The following GET4 variants were observed in gnomAD, a reference collection of about 807,000 sequenced individuals.
GET4 encodes the protein guided entry of tail-anchored proteins factor 4, also known as Golgi to ER traffic protein 4 homolog.
Under a neutral mutation model 40.0 loss-of-function variants are expected in GET4, and 20 were observed. That is an observed-to-expected ratio of 0.50 (90% CI 0.35 to 0.73). GET4 has a LOEUF of 0.73. Among genes scored for constraint, GET4 ranks in the 30% least tolerant of loss-of-function variants. The pLI, the probability that GET4 is intolerant of heterozygous loss-of-function variation, is 0.01. For synonymous variants in GET4, 280 were observed against 194.6 expected (o/e 1.44, Z -3.65); for missense variants, 557 against 454.0 (o/e 1.23, Z -2.06).
At chr7:878,568 A>G (rs1413731918) in intron 1 of GET4, among the ~76,000 whole-genome samples, 4 of 149,380 alleles carry the variant, frequency 2.7e-5, no homozygotes, top group African/African-American at 9.9e-5. Flanking sequence ...TTTTCCTTTT[A>G]ATAAACTTTT....
intron 1 of GET4, chr7:877,984 A>C: frequency 6.3e-6 from 1 of 159,750 alleles, no homozygotes; most frequent in Admixed American, 7.7e-5. Flanking sequence ...CCTGGCCTTC[A>C]GGTTCTCCAG....
intron 1 of GET4, 71 bp downstream of exon 1, chr7:876,871 C>A (rs1368257859): frequency 3.5e-6 from 3 of 867,806 alleles, no homozygotes; most frequent in East Asian, 7.2e-5. Context: ...CGCCGCCTCG[C>A]CCCGCGCCCC....
At chr7:877,375 C>G (rs1427537309) in intron 1 of GET4, among the ~76,000 whole-genome samples, 1 of 115,918 alleles carries the variant, frequency 8.6e-6, no homozygotes, top group East Asian at 2.9e-4. Context: ...CCCCTCGTCT[C>G]TTTCTTCCAG....
chr7:894,633 T>C (rs907991110), intron 8 of GET4, among the ~76,000 whole-genome samples: 1 of 152,128 alleles, frequency 6.6e-6, no homozygotes, highest in Non-Finnish European at 1.5e-5. Context: ...GCCCTGACTC[T>C]TCTGACTCTC....
At chr7:894,556 C>G (rs548049128) in intron 8 of GET4, among the ~76,000 whole-genome samples, 2 of 152,292 alleles carry the variant, frequency 1.3e-5, no homozygotes, top group Admixed American at 6.5e-5. Context: ...GGATGCCCCC[C>G]CCAGACACCC....
chr7:893,059 C>CGTG (rs375716807), intron 6 of GET4, among the ~76,000 whole-genome samples: 1 of 118,250 alleles, frequency 8.5e-6, no homozygotes, highest in Admixed American at 8.6e-5. Flanking sequence ...TGGGTGTGGG[C>CGTG]GTGGTGGTGT....
chr7:877,696 T>C (rs574699105), intron 1 of GET4, among the ~76,000 whole-genome samples: 19 of 100,830 alleles, frequency 1.9e-4, no homozygotes, highest in African/African-American at 7.3e-4. Flanking sequence ...CTGTCCCAGA[T>C]CTCCCTGCCC....
chr7:893,588 T>C (rs1442008386), intron 6 of GET4, 152 bp from the exon 7 acceptor site: 1 of 532,278 alleles, frequency 1.9e-6, no homozygotes, highest in Non-Finnish European at 3.3e-6. Context: ...TGCAGGTGAG[T>C]GTTGGGCATG....
chr7:894,488 C>G (rs1844425174), intron 8 of GET4, among the ~76,000 whole-genome samples: 1 of 152,150 alleles, frequency 6.6e-6, no homozygotes, highest in Non-Finnish European at 1.5e-5. Context: ...GTGGTGACCT[C>G]TCCCCACAGA....
At position 895,657 on chromosome 7, in the gene GET4, T is replaced by C; in HGVS notation, c.*235T>C. Reference sequence around the variant, plus strand: ...CTGCTGGCCGCCGCGTCCCCCGAGATTGACCCACAATAAAGCACAGGCCTT... The same window carrying C: ...CTGCTGGCCGCCGCGTCCCCCGAGACTGACCCACAATAAAGCACAGGCCTT... On this transcript the variant is annotated 3_prime_UTR_variant, in exon 9 of 9. Coordinates refer to ENST00000265857, the MANE Select transcript of GET4 (RefSeq NM_015949.3). 2.5e-6 allele frequency: 1 copy of C among 404,872 alleles called. No homozygotes were observed. The allele number at this position is 404,872 out of a possible 1,614,324, so 25.1% of individuals were successfully genotyped here.
At chr7:877,972 C>T (rs892110810) in intron 1 of GET4, 4 of 212,932 alleles carry the variant, frequency 1.9e-5, no homozygotes, top group African/African-American at 4.8e-5. Flanking sequence ...TGCCTCCCTC[C>T]TCCTGGCCTT....
chr7:885,521 G>C (rs979579887), intron 1 of GET4: 2 of 153,496 alleles, frequency 1.3e-5, no homozygotes, highest in African/African-American at 4.8e-5. Flanking sequence ...ATGATGCAAC[G>C]GGGCACCCCA....
intron 5 of GET4, 95 bp from the exon 6 acceptor site, chr7:892,183 C>G (rs959815275): frequency 7.6e-7 from 1 of 1,316,054 alleles, no homozygotes; most frequent in African/African-American, 1.5e-5. Context: ...ACCGTGGGCG[C>G]ACGAGCTTGG....
At chr7:893,858 C>T (rs1245456478) in intron 7 of GET4, 41 bp from the exon 8 acceptor site, 2 of 1,605,408 alleles carry the variant, frequency 1.2e-6, no homozygotes, top group Non-Finnish European at 1.7e-6. Flanking sequence ...ACCCCACGGT[C>T]TGGGTCCACC....
In GET4 at chr7:893,167, GGT is replaced by G. The variant is rs1386360449; in HGVS notation, c.747-570_747-569del. On this transcript the variant is annotated intron_variant, in intron 6 of 8. Coordinates refer to ENST00000265857, the MANE Select transcript of GET4 (RefSeq NM_015949.3). ...GGTGAGTGTTGGGTGTAGGCGTGGT[GGT>G]GTTTGCAGGTGAGTGTTGGGCGCGG... 8.8e-5 allele frequency among the ~76,000 whole-genome samples: 13 copies of G among 146,938 alleles called. No homozygotes were observed. The East Asian group carries it at 1.9e-3, about 21-fold the overall frequency.
chr7:893,812 C>T lies in GET4; in HGVS notation c.819C>T (p.Asn273=), dbSNP rs758832261. Residue 273 remains asparagine, a synonymous_variant, in exon 7 of 9, where the codon AAC becomes AAT. Coordinates refer to ENST00000265857, the MANE Select transcript of GET4 (RefSeq NM_015949.3). Reference sequence around the variant, plus strand: ...CCCTCCGGCGGGACCCCATGTACAACGAGGTGAGAGCTTGGGGCTGGGGAG... The same window carrying T: ...CCCTCCGGCGGGACCCCATGTACAATGAGGTGAGAGCTTGGGGCTGGGGAG... The part of the protein sequence containing the change: ...QPSLRRDPMY[N]EYLDRIGQLF... 1.7e-5 allele frequency: 27 copies of T among 1,609,568 alleles called. No homozygotes were observed. Among genetic ancestry groups the T allele is most frequent in the Middle Eastern group, 1.7e-4 (1 of 6,046 alleles).
chr7:892,469 G>T, intron 6 of GET4, 51 bp downstream of exon 6: 2 of 1,567,732 alleles, frequency 1.3e-6, no homozygotes, highest in Non-Finnish European at 1.7e-6. Context: ...TGCGGGTTGT[G>T]TGTAGACGTG....
intron 1 of GET4, chr7:877,999 G>GC (rs1412295205): frequency 4.3e-6 from 1 of 235,032 alleles, no homozygotes; most frequent in East Asian, 1.1e-4. Context: ...CTCCAGCCGG[G>GC]CCCTACACCG....
chr7:882,497 T>C (rs1192610118), intron 1 of GET4: 1 of 152,620 alleles, frequency 6.6e-6, no homozygotes, highest in Non-Finnish European at 1.5e-5. Context: ...CAGCTGACCT[T>C]GCCCCATGGA....
Sources: allele counts gnomAD v4.1 joint callset (sites outside exome capture counted in the v4.1 genomes callset), GRCh38; gene constraint gnomAD v4.1.1; transcripts MANE v1.5; gene names NCBI Gene and HGNC (gene_info 2026-07-23, HGNC 2026-07-21).